The following PKD1L1 variants were observed in gnomAD, a reference collection of about 807,000 sequenced individuals.
The protein encoded by PKD1L1 is polycystin-1-like protein 1.
PKD1L1 carries 236 observed loss-of-function variants against 323.4 expected under a neutral mutation model. The ratio of observed to expected loss-of-function variants is 0.73; its 90% CI spans 0.66 to 0.81. PKD1L1 has a LOEUF of 0.81. Ranked by LOEUF, PKD1L1 falls within the 40% of genes least tolerant of loss-of-function variation. The pLI, the probability that PKD1L1 is intolerant of heterozygous loss-of-function variation, is 0.00. For synonymous variants in PKD1L1, 1,344 were observed against 1,335.0 expected (o/e 1.01, Z -0.15); for missense variants, 3,320 against 3,508.0 (o/e 0.95, Z 1.35).
chr7:47,958,948 AGTGCCTGCG>A, the PKD1L1 span, among the ~76,000 whole-genome samples: 1 of 152,152 alleles, frequency 6.6e-6, no homozygotes, highest in Non-Finnish European at 1.5e-5. Flanking sequence ...CAGCCTGCCG[AGTGCCTGCG>A]ATTGCAGGCG....
At chr7:47,799,749 A>G (rs1345960629) in intron 54 of PKD1L1, among the ~76,000 whole-genome samples, 2 of 152,270 alleles carry the variant, frequency 1.3e-5, no homozygotes, top group East Asian at 3.9e-4. Flanking sequence ...TGTGGACAGC[A>G]TGCCTATAGG....
chr7:47,847,113 T>C (rs772215395), intron 31 of PKD1L1, 42 bp from the exon 32 acceptor site: 77 of 1,466,324 alleles, frequency 5.3e-5, no homozygotes, highest in Non-Finnish European at 7.0e-5. Flanking sequence ...ACCTGAGGTT[T>C]GCAGAAAGGC....
intron 56 of PKD1L1, among the ~76,000 whole-genome samples, chr7:47,790,122 C>T (rs1044816121): frequency 5.3e-5 from 8 of 151,968 alleles, no homozygotes; most frequent in Admixed American, 3.9e-4. Context: ...ATCTCCTGAC[C>T]TTGTGATCCG....
intron 25 of PKD1L1, among the ~76,000 whole-genome samples, chr7:47,866,158 C>T (rs1312371588): frequency 6.6e-6 from 1 of 152,194 alleles, no homozygotes. Flanking sequence ...TTTACTTACA[C>T]AAACTTCAGC....
intron 17 of PKD1L1, among the ~76,000 whole-genome samples, chr7:47,886,898 G>C (rs1786697698): frequency 6.6e-6 from 1 of 152,062 alleles, no homozygotes; most frequent in South Asian, 2.1e-4. Flanking sequence ...TAGAATTTAT[G>C]ATAAAGGATG....
At chr7:47,841,667 C>T (rs1378486107) in intron 34 of PKD1L1, among the ~76,000 whole-genome samples, 2 of 152,130 alleles carry the variant, frequency 1.3e-5, no homozygotes, top group African/African-American at 4.8e-5. Flanking sequence ...GGAAAATCGG[C>T]TTTCTCATCC....
chr7:47,879,407 C>A (rs1026328947), intron 21 of PKD1L1, among the ~76,000 whole-genome samples: 1 of 151,948 alleles, frequency 6.6e-6, no homozygotes, highest in South Asian at 2.1e-4. Context: ...GCAGGTGGAT[C>A]GCTCACTTGA....
At position 47,946,659 on chromosome 7, in the gene PKD1L1, G is replaced by A. The variant is rs1788103613; in HGVS notation, c.44+1738C>T. On this transcript the variant is annotated intron_variant, in intron 1 of 56. Transcript: ENST00000289672. This position sits in a 1 kb window ranked among gnomAD's most constrained non-coding sequence, Gnocchi z 4.1. The stretch of plus-strand genomic sequence containing the variant: ...CACACACCACACCACCCACACACAT[G>A]TCCTATACCACACACACACACACAG... Among the ~76,000 whole-genome samples the A allele has an allele frequency of 6.6e-6, 1 of 150,984 alleles. No individual in the cohort carries two copies. The highest frequency in any genetic ancestry group is 1.5e-5 in the Non-Finnish European group (1 of 67,678).
At chr7:47,893,229 CA>C (rs529686945) in intron 15 of PKD1L1, among the ~76,000 whole-genome samples, 4,849 of 52,906 alleles carry the variant, frequency 0.092, 49 homozygotes, top group African/African-American at 0.13. Context: ...GACCCTATCT[CA>C]AAAAAAAAAA....
At chr7:47,920,298 C>CAAAA (rs58524433) in intron 7 of PKD1L1, among the ~76,000 whole-genome samples, 8 of 140,344 alleles carry the variant, frequency 5.7e-5, no homozygotes, top group Non-Finnish European at 1.1e-4. Flanking sequence ...CAAACAAAAA[C>CAAAA]AAAAAAAAAA....
intron 2 of PKD1L1, among the ~76,000 whole-genome samples, chr7:47,943,163 A>AATATATAT (rs60168291): frequency 2.9e-5 from 1 of 34,148 alleles, no homozygotes; most frequent in Non-Finnish European, 5.7e-5. Flanking sequence ...AAAAAAAAAA[A>AATATATAT]ATATATATAT....
At chr7:47,777,020 T>C (rs1786583418) in intron 56 of PKD1L1, among the ~76,000 whole-genome samples, 1 of 152,096 alleles carries the variant, frequency 6.6e-6, no homozygotes, top group South Asian at 2.1e-4. Flanking sequence ...GCTTCCTGAG[T>C]AGCTGGGATT....
intron 16 of PKD1L1, 51 bp downstream of exon 16, chr7:47,890,491 G>A (rs765733846): frequency 6.4e-7 from 1 of 1,566,542 alleles, no homozygotes; most frequent in Non-Finnish European, 8.8e-7. Context: ...CTAGCACCAG[G>A]TGGGAACAAA....
At chr7:47,870,443 T>C (rs889521847) in intron 24 of PKD1L1, among the ~76,000 whole-genome samples, 1 of 151,992 alleles carries the variant, frequency 6.6e-6, no homozygotes, top group Non-Finnish European at 1.5e-5. Flanking sequence ...CTACTGACCA[T>C]ATAGAAATAA....
intron 26 of PKD1L1, among the ~76,000 whole-genome samples, chr7:47,864,247 C>T (rs1015276024): frequency 2.6e-5 from 4 of 152,112 alleles, no homozygotes; most frequent in African/African-American, 9.7e-5. Flanking sequence ...AAGGGAGAAG[C>T]CTATGCAGGG....
At chr7:47,778,075 C>T (rs1268288941) in intron 56 of PKD1L1, among the ~76,000 whole-genome samples, 2 of 152,174 alleles carry the variant, frequency 1.3e-5, no homozygotes, top group African/African-American at 4.8e-5. Context: ...CATGGTACTC[C>T]TGGACTATTG....
intron 7 of PKD1L1, among the ~76,000 whole-genome samples, chr7:47,928,301 G>A (rs1406570169): frequency 6.6e-6 from 1 of 152,222 alleles, no homozygotes; most frequent in East Asian, 1.9e-4. Context: ...AGGTGCAGTG[G>A]CTCACACCTG....
chr7:47,801,564 G>C (rs1326282834), intron 53 of PKD1L1, among the ~76,000 whole-genome samples: 3 of 152,192 alleles, frequency 2.0e-5, no homozygotes, highest in Non-Finnish European at 4.4e-5. Context: ...CGGGCCTACA[G>C]AGAGGCCCTA....
At chr7:47,870,931 C>A (rs1786267822) in intron 24 of PKD1L1, among the ~76,000 whole-genome samples, 1 of 145,960 alleles carries the variant, frequency 6.9e-6, no homozygotes, top group Non-Finnish European at 1.5e-5. Context: ...CATGATCATG[C>A]CACTGTACTC....
Sources: allele counts gnomAD v4.1 joint callset (sites outside exome capture counted in the v4.1 genomes callset), GRCh38; gene constraint gnomAD v4.1.1; non-coding constraint Gnocchi (gnomAD v3.1); transcripts MANE v1.5; gene names NCBI Gene and HGNC (gene_info 2026-07-23, HGNC 2026-07-21).